Variants in ADGRV1 observed in about 807,000 individuals in gnomAD.
ADGRV1 encodes adhesion G protein-coupled receptor V1.
ADGRV1 carries 359 observed loss-of-function variants against 596.2 expected under a neutral mutation model. The ratio of observed to expected loss-of-function variants is 0.60; its 90% CI spans 0.55 to 0.66. The LOEUF is 0.66. Ranked by LOEUF, ADGRV1 falls within the 30% of genes least tolerant of loss-of-function variation. The probability of loss-of-function intolerance (pLI) is 0.00; values close to 1 mark genes in which losing one functional copy is unlikely to be tolerated. For missense variants in ADGRV1, 7,274 were observed against 7,575.6 expected (o/e 0.96, Z 1.48); for synonymous variants, 2,681 against 2,679.2 (o/e 1.00, Z -0.02).
chr5:90,652,292 C>A, intron 18 of ADGRV1, 54 bp from the exon 19 acceptor site: 1 of 1,230,982 alleles, frequency 8.1e-7, no homozygotes, highest in Non-Finnish European at 1.1e-6. Context: ...ACACAGGAAG[C>A]TCTCATTAGA....
chr5:91,060,697 A>G (rs1338766165), intron 85 of ADGRV1, among the ~76,000 whole-genome samples: 1 of 152,178 alleles, frequency 6.6e-6, no homozygotes, highest in African/African-American at 2.4e-5. Context: ...AGTTATTGCA[A>G]TGTGCTGCAA....
intron 89 of ADGRV1, among the ~76,000 whole-genome samples, chr5:91,160,238 C>G (rs574884965): frequency 6.6e-6 from 1 of 152,342 alleles, no homozygotes; most frequent in East Asian, 1.9e-4. Flanking sequence ...CAATAAATTT[C>G]TCTTTGCAAG....
chr5:90,976,466 T>C (rs1779625090), intron 84 of ADGRV1, among the ~76,000 whole-genome samples: 1 of 151,526 alleles, frequency 6.6e-6, no homozygotes, highest in South Asian at 2.1e-4. Context: ...GAAATTACAT[T>C]ATTTTTTGGG....
intron 87 of ADGRV1, among the ~76,000 whole-genome samples, chr5:91,149,786 C>T (rs1408794702): frequency 7.8e-6 from 1 of 128,428 alleles, no homozygotes; most frequent in African/African-American, 2.9e-5. Flanking sequence ...GAGCCAAGAT[C>T]ATGCCACTGC....
At position 90,840,731 on chromosome 5, in the gene ADGRV1, A is replaced by C. The variant is rs1201775153; in HGVS notation, c.16765A>C (p.Asn5589His). ...CCTAACGCCAGAGACAGGATCTTTA[A>C]ATTCATTTCCTAAACGCTTCCAGAT... Reference protein sequence around the residue: ...VILTPETGSLNSFPKRFQIVL... With the variant: ...VILTPETGSLHSFPKRFQIVL... The change falls in exon 78 of 90, where the codon AAT becomes CAT. Residue 5589 changes from asparagine to histidine, a missense_variant. This residue lies in a region of ADGRV1 where 1,874 missense variants were observed against 1,970.2 expected (regional missense o/e 0.95). Coordinates refer to ENST00000405460, the MANE Select transcript of ADGRV1 (RefSeq NM_032119.4). The C allele has an allele frequency of 6.2e-7, 1 of 1,614,016 alleles. No homozygotes were observed.
chr5:90,971,158 A>G, intron 84 of ADGRV1, among the ~76,000 whole-genome samples: 1 of 152,184 alleles, frequency 6.6e-6, no homozygotes, highest in East Asian at 1.9e-4. Flanking sequence ...TTAGAGAAAA[A>G]GAGTAAAAAG....
At chr5:91,136,476 G>A (rs1043474527) in intron 87 of ADGRV1, among the ~76,000 whole-genome samples, 11 of 152,210 alleles carry the variant, frequency 7.2e-5, no homozygotes, top group African/African-American at 2.2e-4. Flanking sequence ...TCAGAAGACA[G>A]CCTTGTGGCA....
chr5:90,786,873 C>T (rs919553920), intron 67 of ADGRV1, among the ~76,000 whole-genome samples: 3 of 152,160 alleles, frequency 2.0e-5, no homozygotes, highest in Non-Finnish European at 2.9e-5. Context: ...GTCACATAGG[C>T]AGGGCAGCAT....
rs754957961 is a variant in ADGRV1 at position 90,745,456 on chromosome 5, TG to T, written c.10770-133del. Reference sequence around the variant, plus strand: ...GTTTATCAGTATTACATGAATATTTTGGATTAAAATTTTCGTTATGAAATGT... The same window carrying T: ...GTTTATCAGTATTACATGAATATTTTGATTAAAATTTTCGTTATGAAATGT... On this transcript the variant is annotated intron_variant, in intron 51 of 89. Coordinates refer to ENST00000405460, the MANE Select transcript of ADGRV1 (RefSeq NM_032119.4). 4 of 745,726 alleles carry T rather than the reference TG, an allele frequency of 5.4e-6. No individual in the cohort carries two copies. In the South Asian group the frequency reaches 8.3e-5, roughly 16 times the overall value. 46.2% of individuals were successfully genotyped at this position (745,726 alleles called of 1,614,324 possible).
chr5:90,595,856 T>G (rs1760419017), intron 1 of ADGRV1, among the ~76,000 whole-genome samples: 1 of 140,324 alleles, frequency 7.1e-6, no homozygotes, highest in Admixed American at 7.0e-5. Flanking sequence ...CCCACCTCCC[T>G]CCCGGACGGG....
intron 1 of ADGRV1, among the ~76,000 whole-genome samples, chr5:90,590,580 C>T (rs898607627): frequency 1.8e-4 from 28 of 152,152 alleles, no homozygotes; most frequent in African/African-American, 5.8e-4. Context: ...AACTTAATGA[C>T]GTAGCTTCAG....
At chr5:90,586,961 A>C (rs554626884) in intron 1 of ADGRV1, among the ~76,000 whole-genome samples, 1 of 152,184 alleles carries the variant, frequency 6.6e-6, no homozygotes, top group Non-Finnish European at 1.5e-5. Flanking sequence ...GTTACCTGGA[A>C]AAGGAGTTTA....
chr5:90,685,733 G>T, intron 28 of ADGRV1, 47 bp from the exon 29 acceptor site: 1 of 1,468,676 alleles, frequency 6.8e-7, no homozygotes, highest in South Asian at 1.2e-5. Context: ...CCAGTTCTTA[G>T]AATTTTGATA....
chr5:90,789,650 T>C, intron 68 of ADGRV1, 52 bp from the exon 69 acceptor site: 2 of 1,132,736 alleles, frequency 1.8e-6, no homozygotes, highest in Non-Finnish European at 2.5e-6. Context: ...GATACTATAA[T>C]TTCATCCCTA....
chr5:90,972,325 T>C (rs1003624268), intron 84 of ADGRV1, among the ~76,000 whole-genome samples: 4 of 152,252 alleles, frequency 2.6e-5, no homozygotes, highest in Admixed American at 6.5e-5. Flanking sequence ...TATCCAGGAA[T>C]TGAACTCAGC....
At chr5:90,981,610 G>A (rs751800362) in intron 84 of ADGRV1, among the ~76,000 whole-genome samples, 1 of 152,158 alleles carries the variant, frequency 6.6e-6, no homozygotes, top group Non-Finnish European at 1.5e-5. Flanking sequence ...CCCTGTGATG[G>A]GATGACATCC....
intron 85 of ADGRV1, among the ~76,000 whole-genome samples, chr5:91,052,432 A>AT (rs1223450986): frequency 1.3e-5 from 2 of 149,028 alleles, no homozygotes; most frequent in Admixed American, 1.3e-4. Context: ...ACCTCTGCAT[A>AT]TTTCTTTTTT....
chr5:91,056,766 G>A lies in ADGRV1; in HGVS notation c.18153-15681G>A, dbSNP rs1285630309. On this transcript the variant is annotated intron_variant, in intron 85 of 89. Coordinates refer to ENST00000405460, the MANE Select transcript of ADGRV1 (RefSeq NM_032119.4). Reference sequence around the variant, plus strand: ...CCTTTGCAAAACTTCTTGAACCACCGCTGCTCTGTACATATGTTAGCCACT... The same window carrying A: ...CCTTTGCAAAACTTCTTGAACCACCACTGCTCTGTACATATGTTAGCCACT... 4.6e-5 allele frequency among the ~76,000 whole-genome samples: 7 copies of A among 152,190 alleles called. No individual in the cohort carries two copies. The South Asian group carries it at 6.2e-4, about 14-fold the overall frequency.
chr5:90,954,622 A>T (rs1777321007), intron 83 of ADGRV1, among the ~76,000 whole-genome samples: 1 of 152,112 alleles, frequency 6.6e-6, no homozygotes, highest in South Asian at 2.1e-4. Context: ...CATTTGATAT[A>T]TTTGTGCATA....
Sources: gnomAD v4.1 joint callset for allele counts (sites outside exome capture counted in the v4.1 genomes callset) on GRCh38, gnomAD v4.1.1 for gene constraint, gnomAD v4.1.1 regional missense constraint, MANE v1.5 for transcripts, NCBI Gene and HGNC (gene_info 2026-07-23, HGNC 2026-07-21) for gene names.